IMMP2L: variants seen among roughly 807,000 people sequenced by gnomAD.
IMMP2L encodes the protein mitochondrial inner membrane protease subunit 2.
Under a neutral mutation model 19.3 loss-of-function variants are expected in IMMP2L, and 18 were observed. The observed-to-expected ratio is 0.93, with a 90% CI of 0.64 to 1.38. The LOEUF is 1.38. Among genes scored for constraint, IMMP2L ranks in the 40% most tolerant of loss-of-function variants. The pLI is 0.00. For missense variants in IMMP2L, 233 were observed against 218.2 expected, an observed-to-expected ratio of 1.07 and a Z score of -0.43; for synonymous variants, 76 against 73.0, an observed-to-expected ratio of 1.04 and a Z score of -0.21.
chr7:111,124,071 T>C (rs1586438508), intron 3 of IMMP2L: 1 of 1,613,970 alleles, frequency 6.2e-7, no homozygotes. Flanking sequence ...CTAATCTAAA[T>C]GTAGAAGCTG....
intron 3 of IMMP2L, among the ~76,000 whole-genome samples, chr7:111,262,339 G>A (rs561565804): frequency 6.6e-6 from 1 of 152,180 alleles, no homozygotes; most frequent in East Asian, 1.9e-4. Flanking sequence ...GTTAGTAAAG[G>A]CCTGAATGCT....
chr7:111,195,849 T>C (rs1327495415), intron 3 of IMMP2L, among the ~76,000 whole-genome samples: 9 of 4,282 alleles, frequency 2.1e-3, no homozygotes, highest in African/African-American at 8.3e-3. Context: ...TTTCATTTCA[T>C]TTCATTTCAT....
intron 3 of IMMP2L, among the ~76,000 whole-genome samples, chr7:111,438,374 A>T (rs1585098697): frequency 6.6e-6 from 1 of 151,674 alleles, no homozygotes; most frequent in African/African-American, 2.4e-5. Context: ...CTTTTTTATT[A>T]AAAAAAGAAG....
At chr7:111,521,192 T>C (rs1167287970) in intron 2 of IMMP2L, 121 bp downstream of exon 2, 1 of 1,055,182 alleles carries the variant, frequency 9.5e-7, no homozygotes, top group Admixed American at 2.4e-5. Flanking sequence ...AAAATTTCAT[T>C]TCAATGCCTT....
intron 1 of IMMP2L, among the ~76,000 whole-genome samples, chr7:111,538,633 TAAAAAA>T (rs34613701): frequency 6.2e-5 from 6 of 97,226 alleles, no homozygotes; most frequent in African/African-American, 2.5e-4. Flanking sequence ...ACCCTGTCTC[TAAAAAA>T]AAAAAAAAAA....
intron 3 of IMMP2L, among the ~76,000 whole-genome samples, chr7:111,015,542 T>A (rs952481121): frequency 1.3e-5 from 2 of 152,016 alleles, no homozygotes; most frequent in Middle Eastern, 3.2e-3. Flanking sequence ...GTTAAGAGGG[T>A]AAATTTTGCT....
chr7:111,108,198 A>C (rs1174816339), intron 3 of IMMP2L, among the ~76,000 whole-genome samples: 4 of 152,196 alleles, frequency 2.6e-5, no homozygotes, highest in African/African-American at 9.6e-5. Context: ...GCTGGCAACA[A>C]GCATGGTCTG....
intron 2 of IMMP2L, among the ~76,000 whole-genome samples, chr7:111,506,459 G>A (rs111722178): frequency 2.6e-5 from 4 of 152,030 alleles, no homozygotes; most frequent in African/African-American, 9.6e-5. Context: ...GTGCAGTGGT[G>A]CAATCTCAGC....
chr7:111,456,588 G>A (rs1455764782), intron 3 of IMMP2L, among the ~76,000 whole-genome samples: 4 of 152,088 alleles, frequency 2.6e-5, no homozygotes, highest in Admixed American at 1.3e-4. Flanking sequence ...ATTTATGAAC[G>A]ATATCAATCA....
intron 5 of IMMP2L, among the ~76,000 whole-genome samples, chr7:110,801,941 G>C (rs1801275763): frequency 6.6e-6 from 1 of 152,058 alleles, no homozygotes; most frequent in African/African-American, 2.4e-5. Context: ...ACAGTTTTAG[G>C]ATCCTCCTAT....
intron 5 of IMMP2L, among the ~76,000 whole-genome samples, chr7:110,845,628 C>T (rs530216938): frequency 6.6e-6 from 1 of 152,106 alleles, no homozygotes; most frequent in African/African-American, 2.4e-5. Context: ...CATAGGTACT[C>T]TTTATTATAA....
At position 110,803,257 on chromosome 7, in the gene IMMP2L, A is replaced by G. The variant is rs1450767559; in HGVS notation, c.408+83336T>C. On this transcript the variant is annotated intron_variant, in intron 5 of 5. Coordinates refer to ENST00000405709, the MANE Select transcript of IMMP2L (RefSeq NM_032549.4). This position sits in a 1 kb window ranked among gnomAD's most constrained non-coding sequence, Gnocchi z 4.2. The stretch of plus-strand genomic sequence containing the variant: ...GGATGGTGAGGATCAGATAGACCAA[A>G]GAAGAGAGGGTTAGGAAGCAGCTGT... Among the ~76,000 whole-genome samples the G allele has an allele frequency of 6.6e-6, 1 of 152,024 alleles. No individual in the cohort carries two copies. Among genetic ancestry groups the G allele is most frequent in the Non-Finnish European group, 1.5e-5 (1 of 67,968 alleles).
intron 3 of IMMP2L, among the ~76,000 whole-genome samples, chr7:111,108,157 A>G (rs2129582108): frequency 6.6e-6 from 1 of 151,966 alleles, no homozygotes; most frequent in African/African-American, 2.4e-5. Context: ...AACCTCACAG[A>G]TTGTTGATGT....
At chr7:110,943,294 C>T (rs1253136205) in intron 4 of IMMP2L, among the ~76,000 whole-genome samples, 1 of 151,968 alleles carries the variant, frequency 6.6e-6, no homozygotes, top group Non-Finnish European at 1.5e-5. Context: ...GTGGTACATG[C>T]TCATTCGATG....
In IMMP2L at chr7:110,965,074, T is replaced by C. The variant is rs545438549; in HGVS notation, c.240-1509A>G. ...ATAAACGTTTGTTGTTTTAAGATGC[T>C]AGACATTGGGGTAATTTGTCATGTA... On this transcript the variant is annotated intron_variant, in intron 3 of 5. Transcript: ENST00000405709. Among the ~76,000 whole-genome samples, 12 of 152,198 alleles carry C rather than the reference T, an allele frequency of 7.9e-5. No individual in the cohort carries two copies. In the South Asian group the frequency reaches 2.1e-3, roughly 26 times the overall value.
At chr7:110,821,471 T>C (rs1417768336) in intron 5 of IMMP2L, among the ~76,000 whole-genome samples, 3 of 151,852 alleles carry the variant, frequency 2.0e-5, no homozygotes, top group East Asian at 1.9e-4. Flanking sequence ...TTCACAGATA[T>C]AAAAAAAATG....
intron 3 of IMMP2L, among the ~76,000 whole-genome samples, chr7:111,438,232 T>G (rs530982988): frequency 6.6e-6 from 1 of 151,810 alleles, no homozygotes; most frequent in Non-Finnish European, 1.5e-5. Context: ...TAGACACATA[T>G]CAATTATTTT....
intron 3 of IMMP2L, among the ~76,000 whole-genome samples, chr7:111,449,690 G>A (rs1306984048): frequency 2.3e-5 from 1 of 42,676 alleles, no homozygotes; most frequent in East Asian, 4.3e-4. Context: ...ATTCAACATA[G>A]TGTTGGAAGT....
chr7:110,835,226 C>T (rs972469379), intron 5 of IMMP2L, among the ~76,000 whole-genome samples: 1 of 151,952 alleles, frequency 6.6e-6, no homozygotes, highest in African/African-American at 2.4e-5. Flanking sequence ...GAGATTTTGC[C>T]CAGGGGCTTA....
Sources: allele counts gnomAD v4.1 joint callset (sites outside exome capture counted in the v4.1 genomes callset), GRCh38; gene constraint gnomAD v4.1.1; non-coding constraint Gnocchi (gnomAD v3.1); transcripts MANE v1.5; gene names NCBI Gene and HGNC (gene_info 2026-07-23, HGNC 2026-07-21).